Variants in SIRPA observed in about 807,000 individuals in gnomAD.
The protein encoded by SIRPA is tyrosine-protein phosphatase non-receptor type substrate 1.
SIRPA carries 9 observed loss-of-function variants against 50.3 expected under a neutral mutation model. That is an observed-to-expected ratio of 0.18 (90% CI 0.11 to 0.31). The LOEUF is 0.31. SIRPA is among the 10% of genes least tolerant of loss of function. SIRPA has a pLI of 1.00. For synonymous variants in SIRPA, 265 were observed against 284.1 expected (o/e 0.93, Z 0.68); for missense variants, 474 against 661.6 (o/e 0.72, Z 3.11).
At position 1,938,956 on chromosome 20, in the gene SIRPA, A is replaced by G. The variant is rs554723399; in HGVS notation, c.*1388A>G. The G allele has an allele frequency of 5.9e-5, 9 of 152,810 alleles. No individual in the cohort carries two copies. The highest frequency in any genetic ancestry group is 2.2e-4 in the African/African-American group (9 of 41,566). 9.5% of individuals were successfully genotyped at this position (152,810 alleles called of 1,614,324 possible). ...TTCTGAGCTGATCCTTGAAGAAGAA[A>G]TCTTCCATTTCTGCTCTCAAACCCT... On this transcript the variant is annotated 3_prime_UTR_variant, in exon 8 of 8. Transcript: ENST00000358771.
chr20:1,927,533 C>T lies in SIRPA; in HGVS notation c.1202-342C>T, dbSNP rs981435149. ...AAGCCACGAAGGGCACTGATTGGGA[C>T]CTAGGCTTGTTGGAGGGTCTCCGCT... is the stretch of plus-strand genomic sequence containing the variant. On this transcript the variant is annotated intron_variant, in intron 5 of 7. Transcript: ENST00000358771. This position sits in a 1 kb window ranked among gnomAD's most constrained non-coding sequence, Gnocchi z 6.5. Among the ~76,000 whole-genome samples the T allele has an allele frequency of 3.4e-4, 51 of 152,160 alleles. No individual in the cohort carries two copies. The highest frequency in any genetic ancestry group is 5.4e-4 in the Non-Finnish European group (37 of 68,030).
intron 5 of SIRPA, among the ~76,000 whole-genome samples, chr20:1,925,088 A>G (rs1193080603): frequency 6.6e-6 from 1 of 152,172 alleles, no homozygotes; most frequent in Non-Finnish European, 1.5e-5. Context: ...CAAGATGTTC[A>G]TCACTGCCCC....
chr20:1,900,388 A>G (rs148801218), intron 1 of SIRPA, among the ~76,000 whole-genome samples: 26 of 152,202 alleles, frequency 1.7e-4, no homozygotes, highest in African/African-American at 5.5e-4. Context: ...CGCACCACCC[A>G]GCTGTCCTTG....
At chr20:1,895,235 C>A (rs1429209440), upstream of SIRPA, 3 of 423,854 alleles carry the variant, frequency 7.1e-6, 1 homozygote, top group South Asian at 1.4e-4. Flanking sequence ...TCCCAGTCTC[C>A]GTCTCTCCAT....
At position 1,933,946 on chromosome 20, in the gene SIRPA, A is replaced by C. The variant is rs1220248257; in HGVS notation, c.1227-769A>C. Among the ~76,000 whole-genome samples the C allele has an allele frequency of 6.6e-6, 1 of 152,132 alleles. No homozygotes were observed. Among genetic ancestry groups the C allele is most frequent in the East Asian group, 1.9e-4 (1 of 5,184 alleles). ...TCTTTTCTTTCTTTAATGATGATAC[A>C]TAGATGTTTATAATACAGAACATTT... On this transcript the variant is annotated intron_variant, in intron 6 of 7. Transcript: ENST00000358771. This position sits in a 1 kb window ranked among gnomAD's most constrained non-coding sequence, Gnocchi z 4.4.
At position 1,915,413 on chromosome 20, in the gene SIRPA, G is replaced by T; in HGVS notation, c.394G>T (p.Val132Leu). Residue 132 changes from valine to leucine, a missense_variant, in exon 2 of 8, where the codon GTG becomes TTG. Val to Leu is a conservative substitution (Grantham distance 32, BLOSUM62 1). Transcript: ENST00000358771. ...GTTCCGGAAAGGGAGCCCCGATGAC[G>T]TGGAGTTTAAGTCTGGAGCAGGCAC... ...VKFRKGSPDDVEFKSGAGTEL... is the reference protein window; with the variant it reads ...VKFRKGSPDDLEFKSGAGTEL... 6.2e-7 allele frequency: 1 copy of T among 1,605,936 alleles called. No homozygotes were observed. The highest frequency in any genetic ancestry group is 2.2e-5 in the East Asian group (1 of 44,712).
In SIRPA at chr20:1,930,338, G is replaced by A. The variant is rs574241381; in HGVS notation, c.1226+2439G>A. 3.3e-5 allele frequency among the ~76,000 whole-genome samples: 5 copies of A among 152,304 alleles called. No homozygotes were observed. In the East Asian group the frequency reaches 7.7e-4, roughly 23 times the overall value. On this transcript the variant is annotated intron_variant, in intron 6 of 7. Coordinates refer to ENST00000358771, the MANE Select transcript of SIRPA (RefSeq NM_001040023.2). ...TCATAACCCACCCCTCAAGGCCAGGGCCAATGTCCCTGAGGTTCACTGCAA... is the reference window on the plus strand; with the variant it reads ...TCATAACCCACCCCTCAAGGCCAGGACCAATGTCCCTGAGGTTCACTGCAA...
rs535435384 is a variant in SIRPA, at chr20:1,924,365, T to C, written c.1088-399T>C. Among the ~76,000 whole-genome samples, 1 of 152,322 alleles carries C rather than the reference T, an allele frequency of 6.6e-6. No individual in the cohort carries two copies. The highest frequency in any genetic ancestry group is 2.4e-5 in the African/African-American group (1 of 41,576). On this transcript the variant is annotated intron_variant, in intron 4 of 7. Transcript: ENST00000358771. The surrounding 1 kb of genome is among the most constrained non-coding windows in gnomAD (Gnocchi z 4.5). ...AGCCCCTGAGCTGTGCAGAGCCTGC[T>C]GGCCGCACTGCCCTTCTTCCAGCTG...
At chr20:1,919,745 G>A (rs1002068976) in intron 2 of SIRPA, among the ~76,000 whole-genome samples, 3 of 152,122 alleles carry the variant, frequency 2.0e-5, no homozygotes, top group African/African-American at 4.8e-5. Flanking sequence ...GGAGGGAGGC[G>A]CCTGTGATCT....
In SIRPA at chr20:1,924,993, A is replaced by G; in HGVS notation, c.1201+116A>G. The G allele has an allele frequency of 3.7e-6, 3 of 804,106 alleles. No homozygotes were observed. The highest frequency in any genetic ancestry group is 6.3e-6 in the Non-Finnish European group (3 of 476,146). The allele number at this position is 804,106 out of a possible 1,614,324, so 49.8% of individuals were successfully genotyped here. On this transcript the variant is annotated intron_variant, in intron 5 of 7. Coordinates refer to ENST00000358771, the MANE Select transcript of SIRPA (RefSeq NM_001040023.2). The surrounding 1 kb of genome is among the most constrained non-coding windows in gnomAD (Gnocchi z 4.5). ...AGCTTCTGCCAGTAGCAAGAAGTCC[A>G]GAGGTAGTGGTGCTAGGGCTGGGGC...
At chr20:1,903,028 AAAAAG>A (rs71329314) in intron 1 of SIRPA, among the ~76,000 whole-genome samples, 3 of 119,336 alleles carry the variant, frequency 2.5e-5, no homozygotes, top group African/African-American at 7.3e-5. Context: ...AAAAAAAAAA[AAAAAG>A]AAAAGAAAGA....
At chr20:1,904,343 CGTAATTAGTGCT>C (rs1015067600) in intron 1 of SIRPA, among the ~76,000 whole-genome samples, 8 of 152,186 alleles carry the variant, frequency 5.3e-5, no homozygotes, top group Non-Finnish European at 1.5e-5. Flanking sequence ...TGAAACATGA[CGTAATTAGTGCT>C]GCACTCTTGG....
intron 1 of SIRPA, among the ~76,000 whole-genome samples, chr20:1,897,614 G>C (rs754943056): frequency 2.0e-5 from 3 of 152,216 alleles, no homozygotes; most frequent in Non-Finnish European, 4.4e-5. Flanking sequence ...ATTTGTTCGA[G>C]TGAGAAACTA....
intron 6 of SIRPA, among the ~76,000 whole-genome samples, chr20:1,930,271 G>A (rs1185505883): frequency 6.6e-6 from 1 of 152,194 alleles, no homozygotes; most frequent in East Asian, 1.9e-4. Context: ...CCGCAGCGTG[G>A]ACACCCTGGT....
Position 1,936,023 on chromosome 20 carries a change from C to T in SIRPA, c.1266+1269C>T, listed in dbSNP as rs942639133. 6.6e-6 allele frequency among the ~76,000 whole-genome samples: 1 copy of T among 152,070 alleles called. No homozygotes were observed. Among genetic ancestry groups the T allele is most frequent in the South Asian group, 2.1e-4 (1 of 4,814 alleles). Reference sequence around the variant, plus strand: ...CCTCCCTTGGTCTCAGTGTCTTCAGCCGTAAAGTGGAATAGATAATCCTTC... The same window carrying T: ...CCTCCCTTGGTCTCAGTGTCTTCAGTCGTAAAGTGGAATAGATAATCCTTC... On this transcript the variant is annotated intron_variant, in intron 7 of 7. Transcript: ENST00000358771. This position sits in a 1 kb window ranked among gnomAD's most constrained non-coding sequence, Gnocchi z 4.2.
At chr20:1,931,365 C>T (rs753644824) in intron 6 of SIRPA, among the ~76,000 whole-genome samples, 5 of 152,186 alleles carry the variant, frequency 3.3e-5, no homozygotes, top group Admixed American at 2.6e-4. Flanking sequence ...TAGGAAGCAC[C>T]GGAATGATGA....
In SIRPA at chr20:1,898,508, G is replaced by A. The variant is rs1023252468; in HGVS notation, c.79+2982G>A. 2.0e-5 allele frequency among the ~76,000 whole-genome samples: 3 copies of A among 152,046 alleles called. No individual in the cohort carries two copies. The highest frequency in any genetic ancestry group is 2.1e-4 in the South Asian group (1 of 4,830). ...CCAGGCCGGATGCTGCTCCTGCGTC[G>A]TCTCACCCGCAAGACATGGATTGGC... On this transcript the variant is annotated intron_variant, in intron 1 of 7. Coordinates refer to ENST00000358771, the MANE Select transcript of SIRPA (RefSeq NM_001040023.2). This position sits in a 1 kb window ranked among gnomAD's most constrained non-coding sequence, Gnocchi z 4.3.
rs1272121979 is a variant in SIRPA, at chr20:1,924,439, G to T, written c.1088-325G>T. 6.6e-6 allele frequency among the ~76,000 whole-genome samples: 1 copy of T among 152,168 alleles called. No individual in the cohort carries two copies. Among genetic ancestry groups the T allele is most frequent in the African/African-American group, 2.4e-5 (1 of 41,424 alleles). On this transcript the variant is annotated intron_variant, in intron 4 of 7. Transcript: ENST00000358771. This position sits in a 1 kb window ranked among gnomAD's most constrained non-coding sequence, Gnocchi z 4.5. ...GGGGTGCCCTCATGACCGCTCTGTG[G>T]TTCACTCCAGATGAGAAGGAACGTT... is the stretch of plus-strand genomic sequence containing the variant.
At chr20:1,899,897 T>C (rs1351980662) in intron 1 of SIRPA, among the ~76,000 whole-genome samples, 1 of 152,232 alleles carries the variant, frequency 6.6e-6, no homozygotes, top group Non-Finnish European at 1.5e-5. Context: ...GCCTTGTATG[T>C]AGTAAGCACT....
Sources: allele counts gnomAD v4.1 joint callset (sites outside exome capture counted in the v4.1 genomes callset), GRCh38; gene constraint gnomAD v4.1.1; non-coding constraint Gnocchi (gnomAD v3.1); transcripts MANE v1.5; gene names NCBI Gene and HGNC (gene_info 2026-07-23, HGNC 2026-07-21).